Variants in ITGA6 observed in about 807,000 individuals in gnomAD.
ITGA6 encodes the protein integrin subunit alpha 6.
Under a neutral mutation model 133.6 loss-of-function variants are expected in ITGA6, and 63 were observed. The observed-to-expected ratio is 0.47, with a 90% CI of 0.38 to 0.58. The LOEUF is 0.58. Among genes scored for constraint, ITGA6 ranks in the 20% least tolerant of loss-of-function variants. ITGA6 has a pLI of 0.00. For synonymous variants in ITGA6, 434 were observed against 482.0 expected, an observed-to-expected ratio of 0.90 and a Z score of 1.30; for missense variants, 1,068 against 1,309.4, an observed-to-expected ratio of 0.82 and a Z score of 2.85.
At chr2:172,465,439 C>A (rs1473223245) in intron 1 of ITGA6, 100 bp from the exon 2 acceptor site, 1 of 1,407,640 alleles carries the variant, frequency 7.1e-7, no homozygotes, top group Admixed American at 1.7e-5. Context: ...TAGTGGACTC[C>A]TAGACAAAGA....
rs374880217 is a variant in ITGA6, at chr2:172,479,783, C to T, written c.1487+44C>T. The T allele has an allele frequency of 4.3e-4, 651 of 1,522,972 alleles. 2 individuals are homozygous for T. The highest frequency in any genetic ancestry group is 1.7e-3 in the Middle Eastern group (10 of 5,898). 94.3% of individuals were successfully genotyped at this position (1,522,972 alleles called of 1,614,324 possible). On this transcript the variant is annotated intron_variant, in intron 10 of 25. Coordinates refer to ENST00000684293, the MANE Select transcript of ITGA6 (RefSeq NM_000210.4). ...TGGTGGGATCCCCCTCAGTTTCCCA[C>T]CTCCACTTCATGATGACTCTATTGT... is the stretch of plus-strand genomic sequence containing the variant.
chr2:172,431,068 G>A (rs1299145139), intron 1 of ITGA6, among the ~76,000 whole-genome samples: 5 of 152,108 alleles, frequency 3.3e-5, no homozygotes, highest in Non-Finnish European at 7.3e-5. Flanking sequence ...CTTCTTTATG[G>A]GGTCTCTCTC....
intron 1 of ITGA6, among the ~76,000 whole-genome samples, chr2:172,454,781 A>T (rs59360025): frequency 0.14 from 20,778 of 152,166 alleles, 2,446 homozygotes; most frequent in African/African-American, 0.32. Flanking sequence ...GATTATCCAA[A>T]TGGGCCCAGT....
chr2:172,497,031 A>G (rs762881749), intron 23 of ITGA6, among the ~76,000 whole-genome samples: 24 of 152,206 alleles, frequency 1.6e-4, no homozygotes, highest in Non-Finnish European at 2.5e-4. Flanking sequence ...CATTTCAGGA[A>G]ATGTTATTGT....
chr2:172,469,503 T>G (rs1685826240), intron 4 of ITGA6, 123 bp downstream of exon 4: 3 of 858,766 alleles, frequency 3.5e-6, no homozygotes, highest in Admixed American at 5.1e-5. Flanking sequence ...GGGTAGGATA[T>G]TAAAAATCTC....
chr2:172,480,053 TA>T lies in ITGA6; in HGVS notation c.1549+4del. 1 of 1,499,578 alleles carries T rather than the reference TA, an allele frequency of 6.7e-7. No individual in the cohort carries two copies. Among genetic ancestry groups the T allele is most frequent in the Non-Finnish European group, 9.3e-7 (1 of 1,075,722 alleles). The allele number at this position is 1,499,578 out of a possible 1,614,324, so 92.9% of individuals were successfully genotyped here. A position where few individuals can be genotyped will look rare whatever the true frequency, so the allele number is the denominator to read the frequency against. ...CCGCTGGTTATAATCCTTCAATATG[TA>T]AGTACCTAGTACCTTTAAAATATGT... On this transcript the variant is annotated splice_donor_region_variant and intron_variant, in intron 11 of 25. Transcript: ENST00000684293.
At chr2:172,462,174 T>G (rs988283575) in intron 1 of ITGA6, among the ~76,000 whole-genome samples, 1 of 152,184 alleles carries the variant, frequency 6.6e-6, no homozygotes, top group Non-Finnish European at 1.5e-5. Context: ...TTCTGCCACC[T>G]TATCGCGGTG....
Position 172,485,274 on chromosome 2 carries a change from TCTGA to T in ITGA6, c.1854+13_1854+16del, listed in dbSNP as rs1240975766. On this transcript the variant is annotated intron_variant, in intron 13 of 25. Coordinates refer to ENST00000684293, the MANE Select transcript of ITGA6 (RefSeq NM_000210.4). ...GACAGCTCATATTGATGTAAGTCTC[TCTGA>T]CTTTCATTTTGCCAAAGTTTTTTTG... 10 of 1,613,416 alleles carry T rather than the reference TCTGA, an allele frequency of 6.2e-6. No individual in the cohort carries two copies. Among genetic ancestry groups the T allele is most frequent in the East Asian group, 2.2e-5 (1 of 44,896 alleles).
chr2:172,491,965 GT>G lies in ITGA6; in HGVS notation c.2988+444del. On this transcript the variant is annotated intron_variant, in intron 23 of 25. Coordinates refer to ENST00000684293, the MANE Select transcript of ITGA6 (RefSeq NM_000210.4). This position sits in a 1 kb window ranked among gnomAD's most constrained non-coding sequence, Gnocchi z 4.4. ...TGCCCCTCAAACAAGTCTAAAATAA[GT>G]TCTCTCTCTTGGCCATGTAGCAGCC... is the stretch of plus-strand genomic sequence containing the variant. 6.6e-6 allele frequency among the ~76,000 whole-genome samples: 1 copy of G among 152,172 alleles called. No individual in the cohort carries two copies. The highest frequency in any genetic ancestry group is 1.5e-5 in the Non-Finnish European group (1 of 68,024).
Position 172,488,362 on chromosome 2 carries a change from G to T in ITGA6, c.2505+134G>T, listed in dbSNP as rs1210523965. 160 of 722,830 alleles carry T rather than the reference G, an allele frequency of 2.2e-4. 1 individual carries two copies. Among genetic ancestry groups the T allele is most frequent in the Non-Finnish European group, 1.2e-5 (5 of 411,210 alleles). The allele number at this position is 722,830 out of a possible 1,614,324, so 44.8% of individuals were successfully genotyped here. A position where few individuals can be genotyped will look rare whatever the true frequency, so the allele number is the denominator to read the frequency against. On this transcript the variant is annotated intron_variant, in intron 19 of 25. Coordinates refer to ENST00000684293, the MANE Select transcript of ITGA6 (RefSeq NM_000210.4). ...TAAATCATGAGTTAAAAATTAGTTT[G>T]CCAGCTTTTAAAGAACATACTGGCT...
At chr2:172,481,052 AT>A (rs1164618170) in intron 11 of ITGA6, 1 of 152,184 alleles carries the variant, frequency 6.6e-6, no homozygotes, top group Non-Finnish European at 1.5e-5. Context: ...GAATGAGGAA[AT>A]TCTCAACCCG....
chr2:172,476,029 T>A (rs1686159831), intron 8 of ITGA6, among the ~76,000 whole-genome samples: 1 of 152,102 alleles, frequency 6.6e-6, no homozygotes, highest in African/African-American at 2.4e-5. Context: ...ACAAAATAAA[T>A]GACTGTAACT....
At chr2:172,487,881 C>A in intron 17 of ITGA6, 74 bp downstream of exon 17, 1 of 1,482,182 alleles carries the variant, frequency 6.7e-7, no homozygotes, top group South Asian at 1.1e-5. Flanking sequence ...TGGCCCTGAT[C>A]TACCTCATAA....
rs555235026 is a variant in ITGA6, at chr2:172,494,662, T to C, written c.2988+3139T>C. Reference sequence around the variant, plus strand: ...TTAATAAACACCCATGAAAGACACATGTATGCCTTCCCTGTGCTAAATGTT... The same window carrying C: ...TTAATAAACACCCATGAAAGACACACGTATGCCTTCCCTGTGCTAAATGTT... On this transcript the variant is annotated intron_variant, in intron 23 of 25. Coordinates refer to ENST00000684293, the MANE Select transcript of ITGA6 (RefSeq NM_000210.4). 2.0e-5 allele frequency among the ~76,000 whole-genome samples: 3 copies of C among 152,298 alleles called. No individual in the cohort carries two copies. In the East Asian group the frequency reaches 5.8e-4, roughly 29 times the overall value.
chr2:172,476,369 C>A, intron 8 of ITGA6, 26 bp from the exon 9 acceptor site: 1 of 1,157,540 alleles, frequency 8.6e-7, no homozygotes. Flanking sequence ...AACCTAATGT[C>A]CATTCGGATG....
Position 172,502,917 on chromosome 2 carries a change from T to C in ITGA6, c.*22+1016T>C, listed in dbSNP as rs181380995. The stretch of plus-strand genomic sequence containing the variant: ...AATTTCCCTCTTTGTTTAAATGGGG[T>C]AGACAGCAGTCATATTTTGTAATAG... On this transcript the variant is annotated intron_variant, in intron 25 of 25. Coordinates refer to ENST00000684293, the MANE Select transcript of ITGA6 (RefSeq NM_000210.4). Among the ~76,000 whole-genome samples the C allele has an allele frequency of 9.2e-5, 14 of 152,286 alleles. No homozygotes were observed. The East Asian group carries it at 2.7e-3, about 29-fold the overall frequency.
intron 11 of ITGA6, among the ~76,000 whole-genome samples, chr2:172,482,891 T>C (rs902356801): frequency 3.3e-5 from 5 of 152,166 alleles, no homozygotes; most frequent in Admixed American, 3.3e-4. Context: ...TGTGTGCAAG[T>C]GGGGAACCAG....
chr2:172,481,062 C>T (rs1420180746), intron 11 of ITGA6: 1 of 152,238 alleles, frequency 6.6e-6, no homozygotes, highest in South Asian at 2.1e-4. Context: ...ATTCTCAACC[C>T]GGGTCCGGCC....
intron 11 of ITGA6, among the ~76,000 whole-genome samples, chr2:172,481,335 G>A (rs563281661): frequency 6.6e-6 from 1 of 152,050 alleles, no homozygotes. Flanking sequence ...GCCACATAAG[G>A]ACTAGGGTTT....
Sources: allele counts gnomAD v4.1 joint callset (sites outside exome capture counted in the v4.1 genomes callset), GRCh38; gene constraint gnomAD v4.1.1; non-coding constraint Gnocchi (gnomAD v3.1); transcripts MANE v1.5; gene names NCBI Gene and HGNC (gene_info 2026-07-23, HGNC 2026-07-21).